The following LRRC37A variants were observed in gnomAD, a reference collection of about 807,000 sequenced individuals.
The protein encoded by LRRC37A is leucine rich repeat containing 37A.
A neutral mutation model predicts 35.4 loss-of-function variants in LRRC37A; 3 were observed. The ratio of observed to expected loss-of-function variants is 0.08; its 90% CI spans 0.04 to 0.22. The LOEUF (loss-of-function observed/expected upper bound fraction) is 0.22, where lower values mean the gene tolerates loss of function less well. Ranked by LOEUF, LRRC37A falls within the 10% of genes least tolerant of loss-of-function variation. The pLI is 1.00. For missense variants in LRRC37A, 67 were observed against 565.3 expected, an observed-to-expected ratio of 0.12 and a Z score of 8.94; for synonymous variants, 23 against 215.0, an observed-to-expected ratio of 0.11 and a Z score of 7.81.
chr17:46,278,634 C>T, the LRRC37A span, among the ~76,000 whole-genome samples: 2 of 151,596 alleles, frequency 1.3e-5, no homozygotes, highest in Admixed American at 6.6e-5. Flanking sequence ...AAACTCCTGA[C>T]CTCGTGATAC....
chr17:46,258,185 TTCAG>T, the LRRC37A span, among the ~76,000 whole-genome samples: 2 of 151,976 alleles, frequency 1.3e-5, no homozygotes, highest in Non-Finnish European at 2.9e-5. Context: ...CAGGTAAGAG[TTCAG>T]TCTTTCTAAG....
chr17:46,276,893 T>C, the LRRC37A span, among the ~76,000 whole-genome samples: 1 of 149,036 alleles, frequency 6.7e-6, no homozygotes, highest in Non-Finnish European at 1.5e-5. Context: ...AGCCTCAACC[T>C]CCAGGGCTCA....
the LRRC37A span, among the ~76,000 whole-genome samples, chr17:46,265,305 TC>T: frequency 8.1e-6 from 1 of 123,868 alleles, no homozygotes. Flanking sequence ...TTCTTCTTCT[TC>T]TTCTTCTTCC....
upstream of LRRC37A, among the ~76,000 whole-genome samples, chr17:46,291,985 A>AAAAAAAAAC (rs1360524355): frequency 1.1e-3 from 83 of 76,600 alleles, 3 homozygotes; most frequent in Admixed American, 2.5e-3. Flanking sequence ...AAAAAAAAAA[A>AAAAAAAAAC]AAGCCAATAA....
the LRRC37A span, among the ~76,000 whole-genome samples, chr17:46,252,830 C>G: frequency 1.2e-4 from 18 of 151,848 alleles, no homozygotes; most frequent in Middle Eastern, 3.4e-3. Context: ...ACCTTTCCCC[C>G]CTTTCTACTC....
the LRRC37A span, chr17:46,268,746 G>T: frequency 7.8e-7 from 1 of 1,289,108 alleles, no homozygotes; most frequent in Non-Finnish European, 1.0e-6. Flanking sequence ...AACAAGACAT[G>T]AAAGGTCTAT....
chr17:46,252,357 A>G, the LRRC37A span, among the ~76,000 whole-genome samples: 26 of 136,916 alleles, frequency 1.9e-4, 1 homozygote, highest in Admixed American at 1.9e-3. Flanking sequence ...GGCGCGTGCC[A>G]CCATGCCTCC....
the LRRC37A span, among the ~76,000 whole-genome samples, chr17:46,259,185 C>G: frequency 6.6e-6 from 1 of 150,774 alleles, no homozygotes; most frequent in African/African-American, 2.5e-5. Flanking sequence ...CTGCCCTTCC[C>G]CACAAATAAA....
At chr17:46,276,950 C>A in the LRRC37A span, among the ~76,000 whole-genome samples, 1 of 151,698 alleles carries the variant, frequency 6.6e-6, no homozygotes, top group African/African-American at 2.4e-5. Flanking sequence ...ACTACAGGCA[C>A]GTGCCACCAT....
chr17:46,273,565 A>T, the LRRC37A span, among the ~76,000 whole-genome samples: 201 of 152,376 alleles, frequency 1.3e-3, no homozygotes, highest in African/African-American at 4.7e-3. Flanking sequence ...GGAAACTTTT[A>T]AAAGCAATAA....
At chr17:46,262,242 A>G in the LRRC37A span, among the ~76,000 whole-genome samples, 19,422 of 151,840 alleles carry the variant, frequency 0.13, no homozygotes, top group Middle Eastern at 0.2. Context: ...GAGCCACTGC[A>G]CCGGGCCTCT....
the LRRC37A span, among the ~76,000 whole-genome samples, chr17:46,272,104 A>G: frequency 6.6e-6 from 1 of 152,264 alleles, no homozygotes; most frequent in Admixed American, 6.5e-5. Flanking sequence ...AGGAGAATAA[A>G]AGCTTTACCA....
At chr17:46,279,177 T>C in the LRRC37A span, among the ~76,000 whole-genome samples, 1 of 112,268 alleles carries the variant, frequency 8.9e-6, no homozygotes, top group Non-Finnish European at 2.4e-5. Context: ...AAGGCATTCT[T>C]TTTTTTCTTT....
chr17:46,267,893 C>CTTTTTTTTTTTTTTTTTTTTTT, the LRRC37A span, among the ~76,000 whole-genome samples: 37 of 89,244 alleles, frequency 4.1e-4, no homozygotes, highest in Non-Finnish European at 5.5e-4. Context: ...ACTCCCACAT[C>CTTTTTTTTTTTTTTTTTTTTTT]TTTTTTTTTT....
chr17:46,248,370 T>A, the LRRC37A span, among the ~76,000 whole-genome samples: 1 of 152,056 alleles, frequency 6.6e-6, no homozygotes, highest in Non-Finnish European at 1.5e-5. Context: ...CTCAAAAAGG[T>A]CCCTCGTGTC....
the LRRC37A span, among the ~76,000 whole-genome samples, chr17:46,269,424 AG>A: frequency 6.6e-6 from 1 of 152,152 alleles, no homozygotes; most frequent in African/African-American, 2.4e-5. Context: ...ATCCCAGCTG[AG>A]GGAGGCTGAG....
chr17:46,265,769 T>C, the LRRC37A span, among the ~76,000 whole-genome samples: 3 of 152,168 alleles, frequency 2.0e-5, no homozygotes, highest in African/African-American at 7.2e-5. Flanking sequence ...CGAGCCACCA[T>C]GCCCGGCCTC....
chr17:46,270,832 A>G, the LRRC37A span, among the ~76,000 whole-genome samples: 3 of 152,216 alleles, frequency 2.0e-5, no homozygotes, highest in Non-Finnish European at 2.9e-5. Flanking sequence ...CCTAGTAGGC[A>G]GAGGTTGCAG....
the LRRC37A span, among the ~76,000 whole-genome samples, chr17:46,253,694 C>A: frequency 7.6e-6 from 1 of 130,848 alleles, no homozygotes; most frequent in Non-Finnish European, 1.6e-5. Flanking sequence ...GCCGAGATGG[C>A]GGCAGTACAG....
Sources: allele counts gnomAD v4.1 joint callset (sites outside exome capture counted in the v4.1 genomes callset), GRCh38; gene constraint gnomAD v4.1.1; transcripts MANE v1.5; gene names NCBI Gene and HGNC (gene_info 2026-07-23, HGNC 2026-07-21).